PRMT8: variants seen among roughly 807,000 people sequenced by gnomAD.
PRMT8 encodes protein arginine methyltransferase 8.
A neutral mutation model predicts 47.1 loss-of-function variants in PRMT8; 7 were observed. The ratio of observed to expected loss-of-function variants is 0.15; its 90% CI spans 0.08 to 0.28. The LOEUF is 0.28. Ranked by LOEUF, PRMT8 falls within the 10% of genes least tolerant of loss-of-function variation. PRMT8 has a pLI of 1.00. For missense variants in PRMT8, 237 were observed against 505.4 expected (o/e 0.47, Z 5.09); for synonymous variants, 188 against 186.5 (o/e 1.01, Z -0.07).
chr12:3,491,808 C>A, intron 1 of PRMT8, 108 bp downstream of exon 1: 1 of 1,282,122 alleles, frequency 7.8e-7, no homozygotes, highest in South Asian at 1.4e-5. Flanking sequence ...CAGTTTCATC[C>A]CGCTCGCTTC....
At chr12:3,435,723 T>G (rs1198041361) in intron 1 of PRMT8, among the ~76,000 whole-genome samples, 1 of 151,924 alleles carries the variant, frequency 6.6e-6, no homozygotes, top group Non-Finnish European at 1.5e-5. Flanking sequence ...GGTTTCACCA[T>G]CTTAGCCAGG....
chr12:3,574,566 A>G (rs557536725), intron 6 of PRMT8, among the ~76,000 whole-genome samples: 1 of 152,374 alleles, frequency 6.6e-6, no homozygotes, highest in East Asian at 1.9e-4. Flanking sequence ...CAAACCACAT[A>G]ATGATAACCA....
chr12:3,489,419 G>A (rs1229197004), upstream of PRMT8, among the ~76,000 whole-genome samples: 2 of 151,862 alleles, frequency 1.3e-5, no homozygotes, highest in African/African-American at 2.4e-5. Flanking sequence ...TCTGCTTGCT[G>A]ATGGACCATG....
intron 1 of PRMT8, among the ~76,000 whole-genome samples, chr12:3,521,460 G>A (rs1865880338): frequency 6.6e-6 from 1 of 152,178 alleles, no homozygotes; most frequent in South Asian, 2.1e-4. Flanking sequence ...TGTAATCCCA[G>A]CTACTCAGGA....
In PRMT8 at chr12:3,436,121, A is replaced by G. The variant is rs1864739030; in HGVS notation, c.48+54679A>G. ...TGCCCTGTGACTTTGAGTGAAGGTT[A>G]TTGGGTGCCTCAGGCCCTGCTTACC... On this transcript the variant is annotated intron_variant, in intron 1 of 9. Coordinates refer to the PRMT8 transcript ENST00000452611. The surrounding 1 kb of genome is among the most constrained non-coding windows in gnomAD (Gnocchi z 4.2). Among the ~76,000 whole-genome samples, 2 of 152,068 alleles carry G rather than the reference A, an allele frequency of 1.3e-5. No homozygotes were observed. The highest frequency in any genetic ancestry group is 6.6e-5 in the Admixed American group (1 of 15,266).
intron 1 of PRMT8, among the ~76,000 whole-genome samples, chr12:3,539,168 A>C (rs1011508206): frequency 5.9e-5 from 9 of 152,252 alleles, no homozygotes; most frequent in Non-Finnish European, 1.5e-5. Context: ...TGATGTATGT[A>C]ATAATCATAA....
In PRMT8 at chr12:3,535,146, C is replaced by T. The variant is rs1168975313; in HGVS notation, c.76-5460C>T. Reference sequence around the variant, plus strand: ...CCACCCCTGCTTGTGGAAATCCGACCCACCCTTCAAGGACGAGCTCACAAG... The same window carrying T: ...CCACCCCTGCTTGTGGAAATCCGACTCACCCTTCAAGGACGAGCTCACAAG... On this transcript the variant is annotated intron_variant, in intron 1 of 9. Transcript: ENST00000382622. The surrounding 1 kb of genome is among the most constrained non-coding windows in gnomAD (Gnocchi z 4.7). 6.6e-6 allele frequency among the ~76,000 whole-genome samples: 1 copy of T among 152,168 alleles called. No individual in the cohort carries two copies.
upstream of PRMT8, chr12:3,491,103 C>A: frequency 3.2e-6 from 3 of 945,484 alleles, no homozygotes; most frequent in Non-Finnish European, 3.8e-6. Flanking sequence ...GCGCTGGGGG[C>A]CCTCGGTCTG....
chr12:3,566,000 G>C (rs557553514), intron 4 of PRMT8, among the ~76,000 whole-genome samples: 1 of 152,118 alleles, frequency 6.6e-6, no homozygotes, highest in Admixed American at 6.5e-5. Context: ...GCTACAGAGA[G>C]GTCATGATAT....
chr12:3,549,085 T>A (rs537982158), intron 2 of PRMT8, among the ~76,000 whole-genome samples: 1 of 152,200 alleles, frequency 6.6e-6, no homozygotes, highest in Non-Finnish European at 1.5e-5. Context: ...GCTTTGGTGA[T>A]AGAAATCAGA....
chr12:3,577,643 C>T (rs1415468810), intron 7 of PRMT8, among the ~76,000 whole-genome samples: 4 of 151,350 alleles, frequency 2.6e-5, no homozygotes, highest in Non-Finnish European at 1.5e-5. Flanking sequence ...AACACAAATT[C>T]GTAAACTTAA....
intron 1 of PRMT8, 129 bp downstream of exon 1, chr12:3,491,829 C>G: frequency 1.2e-6 from 1 of 854,110 alleles, no homozygotes; most frequent in Non-Finnish European, 1.6e-6. Flanking sequence ...TGCCGGCCTC[C>G]TCCTGTGTGT....
chr12:3,391,171 C>T (rs757831195), intron 1 of PRMT8, among the ~76,000 whole-genome samples: 15 of 152,060 alleles, frequency 9.9e-5, no homozygotes, highest in South Asian at 2.1e-4. Flanking sequence ...ATTATGTGCC[C>T]GGTGCTGTTC....
In PRMT8 at chr12:3,451,860, T is replaced by C. The variant is rs112572662; in HGVS notation, c.48+70418T>C. On this transcript the variant is annotated intron_variant, in intron 1 of 9. Transcript: ENST00000452611. ...TGATTCCAGTCATATCCTTGATCCA[T>C]TGTGCCTCATGGTGTTTCAGAAGAA... Among the ~76,000 whole-genome samples the C allele has an allele frequency of 2.4e-3, 360 of 152,322 alleles. 2 individuals carry two copies. The highest frequency in any genetic ancestry group is 8.1e-3 in the African/African-American group (336 of 41,566).
chr12:3,520,882 T>C (rs1219800962), intron 1 of PRMT8, among the ~76,000 whole-genome samples: 2 of 152,078 alleles, frequency 1.3e-5, no homozygotes, highest in Admixed American at 1.3e-4. Context: ...GGTGGAAAGA[T>C]TTGGTATGTG....
chr12:3,561,323 C>G (rs1866632857), intron 4 of PRMT8, among the ~76,000 whole-genome samples: 2 of 152,172 alleles, frequency 1.3e-5, no homozygotes, highest in Non-Finnish European at 2.9e-5. Context: ...TCACACTGTT[C>G]CTAGCTGGAG....
intron 1 of PRMT8, among the ~76,000 whole-genome samples, chr12:3,478,261 C>CATCTATCT (rs760728898): frequency 0.036 from 4,562 of 127,438 alleles, 98 homozygotes; most frequent in South Asian, 0.045. Flanking sequence ...ATCCACCTAT[C>CATCTATCT]ATCTATCTAT....
At chr12:3,584,728 A>T (rs557670226) in intron 8 of PRMT8, among the ~76,000 whole-genome samples, 1 of 152,322 alleles carries the variant, frequency 6.6e-6, no homozygotes, top group South Asian at 2.1e-4. Context: ...ATATCCATAG[A>T]TGCCTCTTTT....
At chr12:3,441,861 A>T (rs1864806642) in intron 1 of PRMT8, among the ~76,000 whole-genome samples, 4 of 152,214 alleles carry the variant, frequency 2.6e-5, no homozygotes, top group Admixed American at 2.6e-4. Flanking sequence ...CAATTCTCTA[A>T]TGGAGATCAT....
Sources: allele counts gnomAD v4.1 joint callset (sites outside exome capture counted in the v4.1 genomes callset), GRCh38; gene constraint gnomAD v4.1.1; non-coding constraint Gnocchi (gnomAD v3.1); transcripts MANE v1.5; gene names NCBI Gene and HGNC (gene_info 2026-07-23, HGNC 2026-07-21).